Variants in APC2 observed in about 807,000 individuals in gnomAD.
APC2 encodes adenomatous polyposis coli protein 2.
A neutral mutation model predicts 72.5 loss-of-function variants in APC2; 41 were observed. The observed-to-expected ratio is 0.57, with a 90% confidence interval of 0.44 to 0.73. The LOEUF (loss-of-function observed/expected upper bound fraction) is 0.73. Among genes scored for constraint, APC2 ranks in the 30% least tolerant of loss-of-function variants. The probability of loss-of-function intolerance (pLI) is 0.00; values close to 1 mark genes in which losing one functional copy is unlikely to be tolerated. For missense variants in APC2, 3,729 were observed against 3,403.4 expected, an observed-to-expected ratio of 1.10 and a Z score of -2.38; for synonymous variants, 1,898 against 1,612.0, an observed-to-expected ratio of 1.18 and a Z score of -4.25.
intron 8 of APC2, 119 bp from the exon 9 acceptor site, chr19:1,456,734 C>T: frequency 3.9e-6 from 5 of 1,293,400 alleles, no homozygotes; most frequent in Non-Finnish European, 5.2e-6. Flanking sequence ...CTCATCTGTC[C>T]CCCAGGTGGG....
chr19:1,461,333 T>C, intron 13 of APC2, 180 bp downstream of exon 13: 1 of 623,948 alleles, frequency 1.6e-6, no homozygotes, highest in Non-Finnish European at 2.8e-6. Context: ...TGAAAGCAAA[T>C]GTGGGCTGGG....
Position 1,456,111 on chromosome 19 carries a change from G to A in APC2, c.675G>A (p.Glu225=), listed in dbSNP as rs2083820797. Residue 225 remains glutamate, a synonymous_variant, in exon 7 of 15, where the codon GAG becomes GAA. Coordinates refer to ENST00000590469, the MANE Select transcript of APC2 (RefSeq NM_005883.3). ...CGCGCCTGGAGCAGATTGACAAGGAGCTGCTGGAGGCGCAGGACCGAGTGC... is the reference window on the plus strand; with the variant it reads ...CGCGCCTGGAGCAGATTGACAAGGAACTGCTGGAGGCGCAGGACCGAGTGC... ...RASRLEQIDK[E]LLEAQDRVQQ... 1 of 1,591,370 alleles carries A rather than the reference G, an allele frequency of 6.3e-7. No homozygotes were observed. Among genetic ancestry groups the A allele is most frequent in the East Asian group, 2.3e-5 (1 of 44,034 alleles).
chr19:1,465,898 C>T lies in APC2; in HGVS notation c.2597C>T (p.Thr866Ile). The T allele has an allele frequency of 6.3e-7, 1 of 1,574,872 alleles. No individual in the cohort carries two copies. ...QLVEDISALHTSSDDSFSLSS... is the reference protein window; with the variant it reads ...QLVEDISALHISSDDSFSLSS... Reference sequence around the variant, plus strand: ...GTGGAGGACATCTCCGCCCTGCACACCTCGTCCGACGATAGCTTCAGCCTC... The same window carrying T: ...GTGGAGGACATCTCCGCCCTGCACATCTCGTCCGACGATAGCTTCAGCCTC... Residue 866 changes from threonine (T) to isoleucine (I), a missense_variant, in exon 15 of 15, where the codon ACC becomes ATC. Transcript: ENST00000590469.
chr19:1,454,512 G>T (rs1460019590), intron 4 of APC2, among the ~76,000 whole-genome samples: 1 of 151,512 alleles, frequency 6.6e-6, no homozygotes, highest in Non-Finnish European at 1.5e-5. Flanking sequence ...CCATGTCAGG[G>T]AGTAGCTGAG....
At position 1,457,602 on chromosome 19, in the gene APC2, G is replaced by A. The variant is rs983998954; in HGVS notation, c.1207+359G>A. The stretch of plus-strand genomic sequence containing the variant: ...GATCCCAGCACTTTGGAAGGCAGAA[G>A]CAGGAGAATTGCTTGAGCCCAGGAA... On this transcript the variant is annotated intron_variant, in intron 9 of 14. Transcript: ENST00000590469. 2.2e-5 allele frequency: 11 copies of A among 502,868 alleles called. 1 individual carries two copies. The highest frequency in any genetic ancestry group is 3.6e-5 in the Non-Finnish European group (10 of 281,418). 31.2% of individuals were successfully genotyped at this position (502,868 alleles called of 1,614,324 possible).
chr19:1,455,597 G>T, intron 6 of APC2, 97 bp downstream of exon 6: 1 of 1,237,556 alleles, frequency 8.1e-7, no homozygotes, highest in Non-Finnish European at 1.1e-6. Context: ...GGGGTAATGG[G>T]AGGAGTCTTA....
chr19:1,457,428 A>G, intron 9 of APC2, 185 bp downstream of exon 9: 1 of 845,826 alleles, frequency 1.2e-6, no homozygotes, highest in South Asian at 2.0e-5. Context: ...CCATGATCGT[A>G]CCTGGCGCAG....
intron 7 of APC2, 51 bp from the exon 8 acceptor site, chr19:1,456,255 C>T (rs1471840078): frequency 1.3e-6 from 2 of 1,569,320 alleles, no homozygotes; most frequent in African/African-American, 1.4e-5. Flanking sequence ...CACGGGTGAG[C>T]AGACTGGGTG....
chr19:1,455,278 G>C (rs1251071792), intron 5 of APC2, 21 bp downstream of exon 5: 8 of 1,564,918 alleles, frequency 5.1e-6, no homozygotes, highest in Non-Finnish European at 6.9e-6. Context: ...CGGGGAGCCA[G>C]GGGGCAGCGC....
chr19:1,461,951 C>T lies in APC2; in HGVS notation c.1639-12C>T. ...CAGGCCCTGACCCGCCCCTCTCCCG[C>T]CCCTCGTCCAGGAGTCCACCCTGAA... On this transcript the variant is annotated splice_polypyrimidine_tract_variant and intron_variant, in intron 13 of 14. Transcript: ENST00000590469. 6.3e-7 allele frequency: 1 copy of T among 1,598,566 alleles called. No individual in the cohort carries two copies. Among genetic ancestry groups the T allele is most frequent in the Non-Finnish European group, 8.6e-7 (1 of 1,168,452 alleles).
rs759510835 is a variant in APC2, at chr19:1,469,497, C to G, written c.6196C>G (p.Pro2066Ala). ...PARQRPPAAR[P>A]SPGERPARRT... ...CCGGCAGCGGCCCCCCGCGGCCCGA[C>G]CCAGCCCTGGCGAGCGCCCTGCCCG... Residue 2066 changes from proline (P) to alanine (A), a missense_variant, in exon 15 of 15, where the codon CCC becomes GCC. By Grantham distance (27) the Pro-to-Ala change is conservative. Coordinates refer to ENST00000590469, the MANE Select transcript of APC2 (RefSeq NM_005883.3). The G allele has an allele frequency of 6.4e-5, 72 of 1,128,494 alleles. No homozygotes were observed. In the Middle Eastern group the frequency reaches 1.6e-3, roughly 25 times the overall value. 69.9% of individuals were successfully genotyped at this position (1,128,494 alleles called of 1,614,324 possible). A position where few individuals can be genotyped will look rare whatever the true frequency, so the allele number is the denominator to read the frequency against.
rs747188659 is a variant in APC2, at chr19:1,461,133, T to C, written c.1618T>C (p.Cys540Arg). The C allele has an allele frequency of 1.2e-6, 2 of 1,611,420 alleles. No homozygotes were observed. The highest frequency in any genetic ancestry group is 1.7e-6 in the Non-Finnish European group (2 of 1,179,974). Residue 540 changes from cysteine (C) to arginine (R), a missense_variant, in exon 13 of 15, where the codon TGT (cysteine) becomes CGT (arginine). Cys to Arg is a radical substitution (Grantham distance 180). Coordinates refer to ENST00000590469, the MANE Select transcript of APC2 (RefSeq NM_005883.3). ...GGGCAGCGTGACTGCCCTGGTGCAGTGTGTCCTGCGGGCCACCAAGGTGGG... is the reference window on the plus strand; with the variant it reads ...GGGCAGCGTGACTGCCCTGGTGCAGCGTGTCCTGCGGGCCACCAAGGTGGG... ...EAGSVTALVQ[C>R]VLRATKESTL... is the part of the protein sequence containing the mutation.
At position 1,469,119 on chromosome 19, in the gene APC2, G is replaced by T; in HGVS notation, c.5818G>T (p.Gly1940Trp). The T allele has an allele frequency of 7.4e-7, 1 of 1,360,388 alleles. No individual in the cohort carries two copies. The highest frequency in any genetic ancestry group is 1.8e-5 in the South Asian group (1 of 56,910). 84.3% of individuals were successfully genotyped at this position (1,360,388 alleles called of 1,614,324 possible). ...IPFMQRPARR[G>W]PPPLARAVPE... ...GTTCATGCAGAGGCCGGCCCGGCGT[G>T]GGCCGCCACCGCTGGCTCGGGCAGT... is the stretch of plus-strand genomic sequence containing the variant. Residue 1940 changes from glycine (G) to tryptophan (W), a missense_variant, in exon 15 of 15, where the codon GGG (glycine) becomes TGG (tryptophan). Physicochemically the swap from Gly to Trp is radical, Grantham distance 184. Transcript: ENST00000590469.
At chr19:1,463,823 A>G (rs1353649726) in intron 14 of APC2, among the ~76,000 whole-genome samples, 1 of 152,074 alleles carries the variant, frequency 6.6e-6, no homozygotes, top group Non-Finnish European at 1.5e-5. Flanking sequence ...ACTTATTTAT[A>G]AAAATAAATA....
intron 1 of APC2, among the ~76,000 whole-genome samples, chr19:1,450,977 G>A (rs546965377): frequency 6.6e-6 from 1 of 152,332 alleles, no homozygotes; most frequent in South Asian, 2.1e-4. Context: ...ACATGGAGGA[G>A]TCGGAGCGTA....
rs748958952 is a variant in APC2 at position 1,462,116 on chromosome 19, G to A, written c.1792G>A (p.Glu598Lys). Residue 598 changes from glutamate to lysine, a missense_variant, in exon 14 of 15, where the codon GAG (glutamate) becomes AAG (lysine). Transcript: ENST00000590469. ...KCQSNSLAII[E>K]SGGGILRNVS... ...TCAGAGCAACTCGCTGGCCATCATC[G>A]AGAGCGGCGGCGGCATCCTCCGCAA... is the stretch of plus-strand genomic sequence containing the variant. 8.1e-6 allele frequency: 13 copies of A among 1,612,566 alleles called. No individual in the cohort carries two copies. The highest frequency in any genetic ancestry group is 1.3e-5 in the African/African-American group (1 of 74,924).
Position 1,467,428 on chromosome 19 carries a change from T to C in APC2, c.4127T>C (p.Leu1376Ser). ...GCACTCCCCGTGCCCGTCTACATGT[T>C]GGTGCCCGCCCCGGCCCCGGCCCAG... ...RRALPVPVYMLVPAPAPAQED... is the reference protein window; with the variant it reads ...RRALPVPVYMSVPAPAPAQED... Residue 1376 changes from leucine to serine, a missense_variant, in exon 15 of 15, where the codon TTG (leucine) becomes TCG (serine). Coordinates refer to ENST00000590469, the MANE Select transcript of APC2 (RefSeq NM_005883.3). 6.7e-7 allele frequency: 1 copy of C among 1,486,014 alleles called. No homozygotes were observed. Among genetic ancestry groups the C allele is most frequent in the Non-Finnish European group, 8.9e-7 (1 of 1,122,974 alleles). 92.1% of individuals were successfully genotyped at this position (1,486,014 alleles called of 1,614,324 possible). A position where few individuals can be genotyped will look rare whatever the true frequency, so the allele number is the denominator to read the frequency against.
At position 1,466,259 on chromosome 19, in the gene APC2, C is replaced by T. The variant is rs780542749; in HGVS notation, c.2958C>T (p.Ala986=). ...CCCCGGCCCGCGAGGCCACCTCCGC[C>T]GACGCCCGCGTGCGCACCATCAAGC... ...AEPPAREATS[A]DARVRTIKLS... is the part of the protein sequence containing the mutation. Residue 986 remains alanine, a synonymous_variant, in exon 15 of 15, where the codon GCC becomes GCT. Transcript: ENST00000590469. The T allele has an allele frequency of 2.0e-6, 3 of 1,529,784 alleles. No homozygotes were observed. The highest frequency in any genetic ancestry group is 2.0e-5 in the Admixed American group (1 of 49,096). The allele number at this position is 1,529,784 out of a possible 1,614,324, so 94.8% of individuals were successfully genotyped here.
Position 1,467,937 on chromosome 19 carries a change from A to C in APC2, c.4636A>C (p.Lys1546Gln). Residue 1546 changes from lysine to glutamine, a missense_variant, in exon 15 of 15, where the codon AAG (lysine) becomes CAG (glutamine). Coordinates refer to ENST00000590469, the MANE Select transcript of APC2 (RefSeq NM_005883.3). The part of the protein sequence containing the change: ...AFTRERPQGR[K>Q]EAPAPSKAAP... Reference sequence around the variant, plus strand: ...TACGCGGGAGCGTCCGCAGGGCCGGAAGGAGGCCCCTGCCCCGTCCAAGGC... The same window carrying C: ...TACGCGGGAGCGTCCGCAGGGCCGGCAGGAGGCCCCTGCCCCGTCCAAGGC... The C allele has an allele frequency of 6.3e-7, 1 of 1,586,118 alleles. No homozygotes were observed. Among genetic ancestry groups the C allele is most frequent in the Non-Finnish European group, 8.5e-7 (1 of 1,174,456 alleles).
Sources: allele counts gnomAD v4.1 joint callset (sites outside exome capture counted in the v4.1 genomes callset), GRCh38; gene constraint gnomAD v4.1.1; transcripts MANE v1.5; gene names NCBI Gene and HGNC (gene_info 2026-07-23, HGNC 2026-07-21).